DNMT3A: variants seen among roughly 807,000 people sequenced by gnomAD.
DNMT3A encodes DNA methyltransferase 3 alpha, also known as DNA (cytosine-5)-methyltransferase 3A.
Under a neutral mutation model 117.6 loss-of-function variants are expected in DNMT3A, and 267 were observed. The observed-to-expected ratio is 2.27, with a 90% confidence interval of 2.05 to 2.51. The LOEUF (loss-of-function observed/expected upper bound fraction) is 2.51, where lower values mean the gene tolerates loss of function less well. DNMT3A is among the 30% of genes most tolerant of loss of function. The pLI, the probability that DNMT3A is intolerant of heterozygous loss-of-function variation, is 0.00. For synonymous variants in DNMT3A, 432 were observed against 474.8 expected, an observed-to-expected ratio of 0.91 and a Z score of 1.17; for missense variants, 1,029 against 1,260.2, an observed-to-expected ratio of 0.82 and a Z score of 2.78.
chr2:25,247,623 C>T lies in DNMT3A; in HGVS notation c.982G>A (p.Val328Ile). 1 of 1,614,154 alleles carries T rather than the reference C, an allele frequency of 6.2e-7. No homozygotes were observed. The highest frequency in any genetic ancestry group is 8.5e-7 in the Non-Finnish European group (1 of 1,180,020). Residue 328 changes from valine to isoleucine, a missense_variant, in exon 8 of 23, where the codon GTC (valine) becomes ATC (isoleucine). Transcript: ENST00000321117. This position sits in a 1 kb window ranked among gnomAD's most constrained non-coding sequence, Gnocchi z 5.6. ...AATTTGCCGTCTCCGAACCACATGA[C>T]CCAGCGGGTGCCTTCAGCTGCTCGG... ...RSRAAEGTRW[V>I]MWFGDGKFSV...
chr2:25,262,721 C>T (rs1676718252), intron 6 of DNMT3A, among the ~76,000 whole-genome samples: 1 of 152,226 alleles, frequency 6.6e-6, no homozygotes, highest in African/African-American at 2.4e-5. Context: ...TTCTCTTCCA[C>T]CCCTGCTCTC....
chr2:25,315,426 C>T (rs955635829), intron 1 of DNMT3A, among the ~76,000 whole-genome samples: 1 of 152,188 alleles, frequency 6.6e-6, no homozygotes, highest in Admixed American at 6.5e-5. Context: ...AGGCTTGAAG[C>T]GGACCTGCCC....
Position 25,234,976 on chromosome 2 carries a change from G to A in DNMT3A, c.2598-556C>T, listed in dbSNP as rs1467935160. 6.6e-6 allele frequency among the ~76,000 whole-genome samples: 1 copy of A among 152,096 alleles called. No individual in the cohort carries two copies. Among genetic ancestry groups the A allele is most frequent in the Non-Finnish European group, 1.5e-5 (1 of 68,032 alleles). ...TGGCTAAATCCTAGTTACACTCAGA[G>A]AACAAGAAGGTCATCCAGCCCCGAA... is the stretch of plus-strand genomic sequence containing the variant. On this transcript the variant is annotated intron_variant, in intron 22 of 22. Transcript: ENST00000321117. The surrounding 1 kb of genome is among the most constrained non-coding windows in gnomAD (Gnocchi z 4.5).
intron 6 of DNMT3A, among the ~76,000 whole-genome samples, chr2:25,261,736 G>A (rs994435623): frequency 6.6e-6 from 1 of 152,242 alleles, no homozygotes; most frequent in African/African-American, 2.4e-5. Flanking sequence ...CCTCCTGGAC[G>A]TTGACCCCCG....
At position 25,313,999 on chromosome 2, in the gene DNMT3A, G is replaced by A; in HGVS notation, c.-15C>T. ...ATGGCGGGCATCTGGGCGCCGGGAG[G>A]CAGGCTGGGGCTGCGCGGGGCTGGG... On this transcript the variant is annotated 5_prime_UTR_variant, in exon 2 of 23. Transcript: ENST00000321117. 6.5e-7 allele frequency: 1 copy of A among 1,535,888 alleles called. No homozygotes were observed. Among genetic ancestry groups the A allele is most frequent in the South Asian group, 1.2e-5 (1 of 82,040 alleles).
At chr2:25,314,749 C>A (rs527267166) in intron 1 of DNMT3A, 5 of 976,206 alleles carry the variant, frequency 5.1e-6, no homozygotes, top group Non-Finnish European at 6.1e-6. Context: ...GCCACGGCCA[C>A]GGCCAAGGCC....
intron 3 of DNMT3A, among the ~76,000 whole-genome samples, chr2:25,283,757 G>A (rs74791103): frequency 6.6e-6 from 1 of 152,158 alleles, no homozygotes; most frequent in African/African-American, 2.4e-5. Context: ...AACTGAACTC[G>A]CTAAGGTTCC....
Position 25,329,870 on chromosome 2 carries a change from GAC to G in DNMT3A, c.-178+11954_-178+11955del, listed in dbSNP as rs1462996344. On this transcript the variant is annotated intron_variant, in intron 1 of 22. Transcript: ENST00000321117. ...CCAGAGGATGCTGGGCGGGCCTTCC[GAC>G]ACAGGCACACGCGTTGCACATTTCA... Among the ~76,000 whole-genome samples the G allele has an allele frequency of 1.6e-4, 25 of 152,306 alleles. No individual in the cohort carries two copies. The South Asian group carries it at 2.1e-3, about 13-fold the overall frequency.
chr2:25,282,005 A>T lies in DNMT3A; in HGVS notation c.448+436T>A. 1 of 1,110,918 alleles carries T rather than the reference A, an allele frequency of 9.0e-7. No homozygotes were observed. The highest frequency in any genetic ancestry group is 3.4e-5 in the South Asian group (1 of 29,164). The allele number at this position is 1,110,918 out of a possible 1,614,324, so 68.8% of individuals were successfully genotyped here. A position where few individuals can be genotyped will look rare whatever the true frequency, so the allele number is the denominator to read the frequency against. ...GGCTACAAATACAGCAACCCCCAGG[A>T]ACTGCATGGCACGTGGGAGAGTAAG... On this transcript the variant is annotated intron_variant, in intron 4 of 22. Transcript: ENST00000321117. The surrounding 1 kb of genome is among the most constrained non-coding windows in gnomAD (Gnocchi z 5.2).
intron 6 of DNMT3A, among the ~76,000 whole-genome samples, chr2:25,248,886 C>CT (rs1191894841): frequency 6.6e-6 from 1 of 151,934 alleles, no homozygotes; most frequent in Non-Finnish European, 1.5e-5. Flanking sequence ...TATTATTATA[C>CT]TTTAAGTTTT....
chr2:25,288,295 G>A (rs1260963119), intron 3 of DNMT3A, among the ~76,000 whole-genome samples: 22 of 151,870 alleles, frequency 1.4e-4, no homozygotes, highest in South Asian at 4.1e-4. Flanking sequence ...TTCGCCAGGC[G>A]TGGTAGCAGG....
In DNMT3A at chr2:25,232,862, A is replaced by G. The variant is rs527518936; in HGVS notation, c.*1417T>C. The G allele has an allele frequency of 8.8e-6, 2 of 227,220 alleles. No homozygotes were observed. Among genetic ancestry groups the G allele is most frequent in the African/African-American group, 4.4e-5 (2 of 45,060 alleles). The allele number at this position is 227,220 out of a possible 1,614,324, so 14.1% of individuals were successfully genotyped here. On this transcript the variant is annotated 3_prime_UTR_variant, in exon 23 of 23. Transcript: ENST00000321117. The surrounding 1 kb of genome is among the most constrained non-coding windows in gnomAD (Gnocchi z 4.1). ...CAGTATAAAACTGCAGCCTTTGGAG[A>G]TGACCAAAAACATCACATTCCAGGG...
intron 1 of DNMT3A, among the ~76,000 whole-genome samples, chr2:25,323,476 G>A (rs1426116085): frequency 6.6e-6 from 1 of 152,174 alleles, no homozygotes; most frequent in African/African-American, 2.4e-5. Context: ...TTCCAACACT[G>A]GCCTTATTTC....
At chr2:25,330,785 A>G in intron 1 of DNMT3A, among the ~76,000 whole-genome samples, 1 of 152,196 alleles carries the variant, frequency 6.6e-6, no homozygotes, top group East Asian at 1.9e-4. Context: ...AGCTCTGCAC[A>G]GACCCTCCCT....
chr2:25,272,417 C>T (rs1199219242), intron 6 of DNMT3A, among the ~76,000 whole-genome samples: 2 of 152,210 alleles, frequency 1.3e-5, no homozygotes, highest in African/African-American at 4.8e-5. Context: ...CATACTGCTT[C>T]TTCAAGGGAG....
intron 1 of DNMT3A, among the ~76,000 whole-genome samples, chr2:25,328,216 T>A (rs2034859920): frequency 6.6e-6 from 1 of 152,204 alleles, no homozygotes; most frequent in South Asian, 2.1e-4. Context: ...CTATTATTTT[T>A]AAAAATCCGG....
chr2:25,300,704 AATAAT>A (rs201087661), intron 2 of DNMT3A, among the ~76,000 whole-genome samples: 3 of 52,136 alleles, frequency 5.8e-5, no homozygotes, highest in Non-Finnish European at 1.1e-4. Context: ...TATATATCTA[AATAAT>A]ATAATATATA....
At chr2:25,259,013 C>T (rs1174398732) in intron 6 of DNMT3A, among the ~76,000 whole-genome samples, 1 of 152,212 alleles carries the variant, frequency 6.6e-6, no homozygotes, top group Non-Finnish European at 1.5e-5. Flanking sequence ...CTCACCTCCC[C>T]TTCTCTCCCC....
At chr2:25,299,246 C>A (rs1314363094) in intron 3 of DNMT3A, among the ~76,000 whole-genome samples, 5 of 152,210 alleles carry the variant, frequency 3.3e-5, no homozygotes, top group Admixed American at 1.3e-4. Context: ...GAGCTGCCCC[C>A]AGGCCTCAGC....
Sources: allele counts gnomAD v4.1 joint callset (sites outside exome capture counted in the v4.1 genomes callset), GRCh38; gene constraint gnomAD v4.1.1; non-coding constraint Gnocchi (gnomAD v3.1); transcripts MANE v1.5; gene names NCBI Gene and HGNC (gene_info 2026-07-23, HGNC 2026-07-21).